RADX: variants seen among roughly 807,000 people sequenced by gnomAD.
RADX encodes RPA-related protein RADX.
A neutral mutation model predicts 61.6 loss-of-function variants in RADX; 36 were observed. That is an observed-to-expected ratio of 0.58 (90% CI 0.45 to 0.77). The LOEUF (loss-of-function observed/expected upper bound fraction) is 0.77. RADX is among the 30% of genes least tolerant of loss of function. The probability of loss-of-function intolerance (pLI) is 0.00; values close to 1 mark genes in which losing one functional copy is unlikely to be tolerated. For synonymous variants in RADX, 272 were observed against 237.9 expected, an observed-to-expected ratio of 1.14 and a Z score of -1.32; for missense variants, 497 against 651.1, an observed-to-expected ratio of 0.76 and a Z score of 2.58.
intron 1 of RADX, among the ~76,000 whole-genome samples, chrX:106,613,952 G>A (rs761815721): frequency 3.9e-4 from 44 of 111,641 alleles, no homozygotes; most frequent in Middle Eastern, 4.6e-3. Context: ...GTATTTTGTC[G>A]TAATATCTAT....
intron 1 of RADX, among the ~76,000 whole-genome samples, chrX:106,615,159 G>A: frequency 8.9e-6 from 1 of 112,303 alleles, no homozygotes; most frequent in Non-Finnish European, 1.9e-5. Flanking sequence ...GCCGTACTGC[G>A]GAGGATGGCG....
chrX:106,653,429 G>T (rs1397989236), intron 11 of RADX, among the ~76,000 whole-genome samples: 2 of 108,375 alleles, frequency 1.8e-5, no homozygotes, highest in African/African-American at 7.1e-5. Context: ...TGTAGTAAAT[G>T]TTGTATATTG....
intron 13 of RADX, among the ~76,000 whole-genome samples, chrX:106,672,819 G>A (rs982392529): frequency 1.8e-5 from 2 of 111,925 alleles, no homozygotes; most frequent in African/African-American, 6.5e-5. Flanking sequence ...GTATTGCACT[G>A]TAGGTGAGCT....
intron 8 of RADX, 89 bp from the exon 9 acceptor site, chrX:106,639,438 T>C (rs1927448633): frequency 1.3e-6 from 1 of 764,582 alleles, no homozygotes. Flanking sequence ...GTTTATAATT[T>C]TGTGTTGTGA....
At chrX:106,661,079 A>G (rs1488088903) in intron 11 of RADX, among the ~76,000 whole-genome samples, 1 of 111,406 alleles carries the variant, frequency 9.0e-6, no homozygotes, top group Non-Finnish European at 1.9e-5. Flanking sequence ...CCATGATCCA[A>G]TCACCTCTCA....
intron 2 of RADX, among the ~76,000 whole-genome samples, chrX:106,623,447 A>G (rs1327522588): frequency 8.9e-6 from 1 of 111,747 alleles, no homozygotes; most frequent in Non-Finnish European, 1.9e-5. Flanking sequence ...TAGATGTTTC[A>G]TTAAACTTTT....
chrX:106,667,449 T>G (rs993437239), intron 12 of RADX, among the ~76,000 whole-genome samples: 2 of 110,761 alleles, frequency 1.8e-5, no homozygotes, highest in Non-Finnish European at 3.8e-5. Context: ...CCCAAGTAGC[T>G]GGGACCACAG....
chrX:106,650,077 T>G (rs970247232), intron 11 of RADX, among the ~76,000 whole-genome samples: 2 of 110,782 alleles, frequency 1.8e-5, no homozygotes, highest in African/African-American at 6.6e-5. Context: ...CTCCTACTTG[T>G]GAAGAAGTAA....
chrX:106,650,065 G>A (rs951248373), intron 11 of RADX, among the ~76,000 whole-genome samples: 8 of 111,171 alleles, frequency 7.2e-5, no homozygotes, highest in African/African-American at 2.6e-4. Context: ...CAGACCACAG[G>A]CCTCCTACTT....
intron 1 of RADX, among the ~76,000 whole-genome samples, chrX:106,616,674 G>A (rs1391104583): frequency 2.7e-5 from 3 of 109,368 alleles, no homozygotes; most frequent in Non-Finnish European, 5.7e-5. Flanking sequence ...TTGAATTATT[G>A]TAATCACTTT....
chrX:106,648,491 A>AT, intron 11 of RADX, 105 bp downstream of exon 11: 5 of 517,582 alleles, frequency 9.7e-6, no homozygotes, highest in Non-Finnish European at 1.6e-5. Context: ...CTTAGAATGT[A>AT]TACTTTGCAT....
intron 3 of RADX, among the ~76,000 whole-genome samples, chrX:106,631,784 AAAAG>A (rs1311216345): frequency 9.7e-6 from 1 of 103,450 alleles, no homozygotes; most frequent in African/African-American, 4.0e-5. Context: ...AAGAAAGAAG[AAAAG>A]AAAGAGAAAG....
intron 3 of RADX, among the ~76,000 whole-genome samples, chrX:106,626,741 T>G (rs1216603960): frequency 8.9e-6 from 1 of 112,388 alleles, no homozygotes; most frequent in Admixed American, 9.4e-5. Context: ...TACTTCTTAG[T>G]AATGTTAGCG....
intron 13 of RADX, among the ~76,000 whole-genome samples, chrX:106,670,234 G>A (rs778412338): frequency 2.9e-4 from 32 of 110,501 alleles, no homozygotes; most frequent in Non-Finnish European, 2.8e-4. Flanking sequence ...TACACTTGCC[G>A]TATTACTTTC....
intron 11 of RADX, among the ~76,000 whole-genome samples, chrX:106,661,222 A>G (rs1490453912): frequency 9.0e-6 from 1 of 111,417 alleles, no homozygotes; most frequent in Non-Finnish European, 1.9e-5. Flanking sequence ...TCATACATAA[A>G]TGATAATTTG....
intron 1 of RADX, among the ~76,000 whole-genome samples, chrX:106,617,649 A>G (rs1390373547): frequency 9.0e-6 from 1 of 111,670 alleles, no homozygotes; most frequent in Non-Finnish European, 1.9e-5. Context: ...CTTGAATTCT[A>G]TTTTCCCTAA....
intron 10 of RADX, among the ~76,000 whole-genome samples, chrX:106,641,027 C>T (rs1927500571): frequency 9.0e-6 from 1 of 110,792 alleles, no homozygotes; most frequent in African/African-American, 3.3e-5. Flanking sequence ...AGAAGCATCA[C>T]CCCAATCTCT....
chrX:106,664,738 CT>C (rs1483467445), intron 12 of RADX, among the ~76,000 whole-genome samples: 1 of 109,195 alleles, frequency 9.2e-6, no homozygotes, highest in Non-Finnish European at 1.9e-5. Flanking sequence ...TCAAAGTCAT[CT>C]ACAAGAGGCC....
At chrX:106,644,673 A>C (rs1014423867) in intron 10 of RADX, among the ~76,000 whole-genome samples, 1 of 110,917 alleles carries the variant, frequency 9.0e-6, no homozygotes, top group Non-Finnish European at 1.9e-5. Flanking sequence ...GTTTGCTAGT[A>C]TTTTGTTGAG....
Sources: allele counts gnomAD v4.1 joint callset (sites outside exome capture counted in the v4.1 genomes callset), GRCh38; gene constraint gnomAD v4.1.1; transcripts MANE v1.5; gene names NCBI Gene and HGNC (gene_info 2026-07-23, HGNC 2026-07-21).